The following DLC1 variants were observed in gnomAD, a reference collection of about 807,000 sequenced individuals.
The protein encoded by DLC1 is DLC1 Rho GTPase activating protein, also known as rho GTPase-activating protein 7.
Under a neutral mutation model 140.3 loss-of-function variants are expected in DLC1, and 54 were observed. That is an observed-to-expected ratio of 0.38 (90% CI 0.31 to 0.48). The LOEUF (loss-of-function observed/expected upper bound fraction) is 0.48, where lower values mean the gene tolerates loss of function less well. DLC1 is among the 20% of genes least tolerant of loss of function. The pLI, the probability that DLC1 is intolerant of heterozygous loss-of-function variation, is 0.96. For synonymous variants in DLC1, 986 were observed against 728.1 expected (o/e 1.35, Z -5.70); for missense variants, 2,536 against 1,907.0 (o/e 1.33, Z -6.14).
chr8:13,096,304 C>G (rs1818494698), intron 10 of DLC1, among the ~76,000 whole-genome samples: 1 of 152,108 alleles, frequency 6.6e-6, no homozygotes, highest in African/African-American at 2.4e-5. Flanking sequence ...AAATGAGAAT[C>G]TAAAATATGC....
At chr8:13,544,094 T>A (rs532167347) in intron 1 of DLC1, among the ~76,000 whole-genome samples, 14 of 152,168 alleles carry the variant, frequency 9.2e-5, no homozygotes, top group Admixed American at 2.6e-4. Flanking sequence ...ATTAGTTTTA[T>A]ATTAGCATTG....
At chr8:13,338,965 A>G (rs1833920210) in intron 4 of DLC1, among the ~76,000 whole-genome samples, 1 of 152,238 alleles carries the variant, frequency 6.6e-6, no homozygotes, top group South Asian at 2.1e-4. Context: ...GCAATTAAAT[A>G]AAACACACAT....
chr8:13,334,515 G>T (rs6986389), intron 4 of DLC1, among the ~76,000 whole-genome samples: 1 of 151,962 alleles, frequency 6.6e-6, no homozygotes, highest in Admixed American at 6.6e-5. Context: ...GAGAAGGCAG[G>T]AGACCAGCTA....
At chr8:13,550,079 G>C (rs985098081) in intron 1 of DLC1, among the ~76,000 whole-genome samples, 1 of 152,110 alleles carries the variant, frequency 6.6e-6, no homozygotes, top group African/African-American at 2.4e-5. Context: ...ATAGGCTAGA[G>C]AGACATTGAT....
At chr8:13,484,886 C>T (rs900469239) in intron 2 of DLC1, among the ~76,000 whole-genome samples, 2 of 151,736 alleles carry the variant, frequency 1.3e-5, no homozygotes, top group African/African-American at 4.8e-5. Flanking sequence ...AGAGAGATTA[C>T]GTGGGACTCA....
At chr8:13,598,295 C>T (rs1805748491) in intron 1 of DLC1, among the ~76,000 whole-genome samples, 1 of 151,862 alleles carries the variant, frequency 6.6e-6, no homozygotes, top group Admixed American at 6.6e-5. Flanking sequence ...TAGCCAGAGG[C>T]TTCTCTAGGG....
chr8:13,113,227 G>A (rs1363660932), intron 6 of DLC1, among the ~76,000 whole-genome samples: 2 of 152,194 alleles, frequency 1.3e-5, no homozygotes, highest in Non-Finnish European at 2.9e-5. Flanking sequence ...AACTTCCACT[G>A]TGGGTTGAAA....
At chr8:13,396,687 A>G (rs7017873) in intron 3 of DLC1, among the ~76,000 whole-genome samples, 11,448 of 152,200 alleles carry the variant, frequency 0.075, 1,446 homozygotes, top group African/African-American at 0.26. Context: ...AGTAACCACC[A>G]TGATATTCTG....
At chr8:13,350,275 G>A (rs564655988) in intron 4 of DLC1, among the ~76,000 whole-genome samples, 11 of 151,548 alleles carry the variant, frequency 7.3e-5, no homozygotes, top group African/African-American at 2.7e-4. Context: ...ATCATTTAGC[G>A]TTCTTCCATA....
At chr8:13,254,623 C>T (rs914336400) in intron 5 of DLC1, among the ~76,000 whole-genome samples, 3 of 135,030 alleles carry the variant, frequency 2.2e-5, no homozygotes, top group African/African-American at 8.4e-5. Flanking sequence ...TCTATCCTAA[C>T]CCACCCCCAC....
intron 4 of DLC1, among the ~76,000 whole-genome samples, chr8:13,306,282 G>A (rs1832423709): frequency 6.6e-6 from 1 of 152,118 alleles, no homozygotes; most frequent in Admixed American, 6.5e-5. Flanking sequence ...ATCTTTCCAA[G>A]AACTTAAAGC....
intron 4 of DLC1, among the ~76,000 whole-genome samples, chr8:13,376,495 C>A (rs574609803): frequency 6.6e-6 from 1 of 152,108 alleles, no homozygotes; most frequent in East Asian, 1.9e-4. Context: ...CTGCAACCTA[C>A]CCTTTCAATC....
At chr8:13,479,843 AGAAGAAGAAGAAGAAGAGAAAAAG>A (rs1563383550) in intron 2 of DLC1, among the ~76,000 whole-genome samples, 837 of 83,348 alleles carry the variant, frequency 0.01, 76 homozygotes, top group African/African-American at 0.03. Context: ...AAGAAGAAGA[AGAAGAAGAAGAAGAAGAGAAAAAG>A]AAAGAAAGAA....
At chr8:13,508,275 C>T (rs933680992) in intron 1 of DLC1, among the ~76,000 whole-genome samples, 12 of 152,230 alleles carry the variant, frequency 7.9e-5, no homozygotes, top group African/African-American at 2.9e-4. Context: ...TTAAGCAACC[C>T]GCATGTAATT....
rs944379727 is a variant in DLC1 at position 13,393,544 on chromosome 8, A to C, written c.1314+9T>G. 1 of 1,612,598 alleles carries C rather than the reference A, an allele frequency of 6.2e-7. No individual in the cohort carries two copies. Among genetic ancestry groups the C allele is most frequent in the African/African-American group, 1.3e-5 (1 of 74,886 alleles). On this transcript the variant is annotated intron_variant, in intron 4 of 17. Coordinates refer to ENST00000276297, the MANE Select transcript of DLC1 (RefSeq NM_182643.3). ...ACGTAGAGACTCTCTGTTATTATTTAGAACTCACCGTAGTCTTGGGTTTGG... is the reference window on the plus strand; with the variant it reads ...ACGTAGAGACTCTCTGTTATTATTTCGAACTCACCGTAGTCTTGGGTTTGG...
chr8:13,272,383 G>C (rs1439709059), intron 5 of DLC1, among the ~76,000 whole-genome samples: 1 of 152,126 alleles, frequency 6.6e-6, no homozygotes, highest in African/African-American at 2.4e-5. Context: ...GGAGGTTGCA[G>C]TGAGCGGAGA....
At chr8:13,604,245 G>C (rs1011237283) in intron 1 of DLC1, among the ~76,000 whole-genome samples, 2 of 152,006 alleles carry the variant, frequency 1.3e-5, no homozygotes, top group Non-Finnish European at 2.9e-5. Flanking sequence ...TGTGACAGAG[G>C]ATTACAATGA....
At chr8:13,442,447 T>C (rs986558795) in intron 2 of DLC1, among the ~76,000 whole-genome samples, 2 of 152,086 alleles carry the variant, frequency 1.3e-5, no homozygotes, top group African/African-American at 4.8e-5. Context: ...ATTTTTGCAA[T>C]CTACTCATCT....
chr8:13,567,875 T>C, intron 1 of DLC1: 1 of 1,551,956 alleles, frequency 6.4e-7, no homozygotes, highest in Non-Finnish European at 8.7e-7. Context: ...GCTTGTCATT[T>C]ACCATTTTCT....
Sources: allele counts gnomAD v4.1 joint callset (sites outside exome capture counted in the v4.1 genomes callset), GRCh38; gene constraint gnomAD v4.1.1; transcripts MANE v1.5; gene names NCBI Gene and HGNC (gene_info 2026-07-23, HGNC 2026-07-21).